The following EIF5A variants were observed in gnomAD, a reference collection of about 807,000 sequenced individuals.
EIF5A encodes the protein eukaryotic translation initiation factor 5A.
EIF5A carries 1 observed loss-of-function variant against 16.6 expected under a neutral mutation model. That is an observed-to-expected ratio of 0.06 (90% CI 0.02 to 0.28). The LOEUF is 0.28. Ranked by LOEUF, EIF5A falls within the 10% of genes least tolerant of loss-of-function variation. EIF5A has a pLI of 1.00. For missense variants in EIF5A, 29 were observed against 196.1 expected (o/e 0.15, Z 5.09); for synonymous variants, 80 against 73.6 (o/e 1.09, Z -0.44).
intron 2 of EIF5A, chr17:7,310,064 T>G (rs955323682): frequency 2.5e-5 from 37 of 1,457,238 alleles, no homozygotes; most frequent in Non-Finnish European, 3.3e-5. Context: ...TCTCTTCAAT[T>G]CATAGGCCTT....
intron 1 of EIF5A, chr17:7,307,989 G>T: frequency 3.0e-6 from 3 of 985,254 alleles, no homozygotes; most frequent in Non-Finnish European, 3.6e-6. Flanking sequence ...ACGGCGAGCC[G>T]CGAGGCAGCC....
chr17:7,310,546 G>T, intron 2 of EIF5A: 1 of 1,092,892 alleles, frequency 9.2e-7, no homozygotes. Flanking sequence ...TGCTCTTCTG[G>T]CTTCCTTATT....
chr17:7,309,587 T>C (rs2072753465), intron 1 of EIF5A, 28 bp from the exon 2 acceptor site: 2 of 1,613,540 alleles, frequency 1.2e-6, no homozygotes, highest in South Asian at 1.1e-5. Context: ...TCCATGCTTA[T>C]TCACTTCAGT....
At chr17:7,310,781 T>C (rs1399613639) in intron 2 of EIF5A, 2 of 985,442 alleles carry the variant, frequency 2.0e-6, no homozygotes, top group Non-Finnish European at 2.4e-6. Flanking sequence ...TCTCCAAGCC[T>C]GCCATGCAGT....
upstream of EIF5A, chr17:7,307,563 T>G (rs554698396): frequency 6.3e-4 from 638 of 1,005,428 alleles, 4 homozygotes; most frequent in African/African-American, 0.01. Context: ...GCGGAGGAGA[T>G]AGATAGCACG....
intron 3 of EIF5A, 34 bp downstream of exon 3, chr17:7,311,156 G>A (rs755020432): frequency 1.4e-5 from 23 of 1,607,994 alleles, no homozygotes; most frequent in South Asian, 8.9e-5. Flanking sequence ...ATGGGTTAGC[G>A]GTTTATGGTG....
chr17:7,307,123 G>T, upstream of EIF5A: 1 of 1,591,434 alleles, frequency 6.3e-7, no homozygotes, highest in Non-Finnish European at 8.6e-7. Context: ...CGTGTGAGTC[G>T]TTTAAGTCCA....
chr17:7,309,867 A>G (rs2072760646), intron 2 of EIF5A, 67 bp downstream of exon 2: 2 of 1,613,882 alleles, frequency 1.2e-6, no homozygotes, highest in Non-Finnish European at 1.7e-6. Flanking sequence ...CCCAGCAGCA[A>G]GCTGCCAACA....
In EIF5A at chr17:7,310,700, G is replaced by A. The variant is rs1190687272; in HGVS notation, c.166-318G>A. On this transcript the variant is annotated intron_variant, in intron 2 of 5. Transcript: ENST00000336458. ...TCTCCTGGTGTCCGGAAAACTCTTC[G>A]AAACTTTTACTCAGACTCCTCCCAC... 16 of 985,148 alleles carry A rather than the reference G, an allele frequency of 1.6e-5. No homozygotes were observed. The Admixed American group carries it at 2.5e-4, about 15-fold the overall frequency. 61.0% of individuals were successfully genotyped at this position (985,148 alleles called of 1,614,324 possible).
At chr17:7,309,565 G>A (rs904780245) in intron 1 of EIF5A, 50 bp from the exon 2 acceptor site, 10 of 1,607,112 alleles carry the variant, frequency 6.2e-6, no homozygotes, top group Admixed American at 3.3e-5. Context: ...TAGATTGGAG[G>A]TCCTGTTGAC....
intron 2 of EIF5A, chr17:7,310,185 C>T: frequency 7.7e-7 from 1 of 1,293,222 alleles, no homozygotes; most frequent in Non-Finnish European, 1.0e-6. Flanking sequence ...AGGGTTTCTC[C>T]AATTCTACGC....
chr17:7,311,261 A>G (rs544631238), intron 3 of EIF5A, 89 bp from the exon 4 acceptor site: 106 of 1,602,852 alleles, frequency 6.6e-5, no homozygotes, highest in Non-Finnish European at 6.0e-6. Flanking sequence ...TTAGTTTGCT[A>G]TCAGTCCAGT....
chr17:7,310,225 C>T, intron 2 of EIF5A: 1 of 1,290,512 alleles, frequency 7.7e-7, no homozygotes, highest in Middle Eastern at 2.1e-4. Flanking sequence ...TGCGTCAATT[C>T]TGAGCTTTCA....
chr17:7,307,378 G>C (rs75122830), upstream of EIF5A: 6,704 of 1,229,396 alleles, frequency 5.5e-3, 254 homozygotes, highest in African/African-American at 0.086. Flanking sequence ...TCAAGGGGAG[G>C]GAAGATGAGG....
chr17:7,311,826 G>A lies in EIF5A; in HGVS notation c.*16G>A. On this transcript the variant is annotated 3_prime_UTR_variant, in exon 6 of 6. Coordinates refer to ENST00000336458, the MANE Select transcript of EIF5A (RefSeq NM_001970.5). ...TAATTTCTCTCTCCTACCTAGGGTG[G>A]CGGTGGTGGCAGCAGTGATCCTCTG... The A allele has an allele frequency of 2.2e-6, 2 of 893,256 alleles. No homozygotes were observed. Among genetic ancestry groups the A allele is most frequent in the Non-Finnish European group, 1.7e-6 (1 of 578,344 alleles). The allele number at this position is 893,256 out of a possible 1,614,324, so 55.3% of individuals were successfully genotyped here. A position where few individuals can be genotyped will look rare whatever the true frequency, so the allele number is the denominator to read the frequency against.
At chr17:7,309,132 G>T (rs866528973) in intron 1 of EIF5A, among the ~76,000 whole-genome samples, 4 of 151,934 alleles carry the variant, frequency 2.6e-5, no homozygotes, top group African/African-American at 4.8e-5. Context: ...GTGTGGATGG[G>T]GGGGGGCAGT....
chr17:7,309,874 A>C (rs1202355699), intron 2 of EIF5A, 74 bp downstream of exon 2: 15 of 1,613,848 alleles, frequency 9.3e-6, no homozygotes, highest in African/African-American at 1.3e-5. Context: ...GCAAGCTGCC[A>C]ACAGTGCTGA....
chr17:7,308,635 A>G, intron 1 of EIF5A: 1 of 1,331,590 alleles, frequency 7.5e-7, no homozygotes. Context: ...GCGTTTGGAC[A>G]GGAGCCCAAC....
chr17:7,311,176 G>A (rs2072814839), intron 3 of EIF5A, 54 bp downstream of exon 3: 1 of 1,599,456 alleles, frequency 6.3e-7, no homozygotes, highest in Non-Finnish European at 8.5e-7. Flanking sequence ...GGAGGGAGGG[G>A]TTGGGGGATA....
Sources: allele counts gnomAD v4.1 joint callset (sites outside exome capture counted in the v4.1 genomes callset), GRCh38; gene constraint gnomAD v4.1.1; transcripts MANE v1.5; gene names NCBI Gene and HGNC (gene_info 2026-07-23, HGNC 2026-07-21).